The following CD109 variants were observed in gnomAD, a reference collection of about 807,000 sequenced individuals.
The protein encoded by CD109 is CD109 antigen.
Under a neutral mutation model 165.8 loss-of-function variants are expected in CD109, and 149 were observed. That is an observed-to-expected ratio of 0.90 (90% CI 0.79 to 1.03). The LOEUF is 1.03. Ranked by LOEUF, CD109 falls within the 50% of genes least tolerant of loss-of-function variation. The pLI is 0.00. For missense variants in CD109, 1,712 were observed against 1,677.8 expected, an observed-to-expected ratio of 1.02 and a Z score of -0.36; for synonymous variants, 585 against 592.1, an observed-to-expected ratio of 0.99 and a Z score of 0.18.
intron 2 of CD109, among the ~76,000 whole-genome samples, chr6:73,711,139 C>T (rs928085516): frequency 2.0e-5 from 3 of 152,194 alleles, no homozygotes; most frequent in Non-Finnish European, 2.9e-5. Flanking sequence ...ATTTAGCAGC[C>T]AAGAACCTTG....
At chr6:73,741,281 G>T (rs1307773377) in intron 5 of CD109, among the ~76,000 whole-genome samples, 1 of 152,138 alleles carries the variant, frequency 6.6e-6, no homozygotes, top group East Asian at 1.9e-4. Flanking sequence ...CTACTTTGGG[G>T]ATTGTACTTC....
At chr6:73,758,452 C>T (rs1195625998) in intron 6 of CD109, among the ~76,000 whole-genome samples, 1 of 152,116 alleles carries the variant, frequency 6.6e-6, no homozygotes. Flanking sequence ...GTGGCATGAT[C>T]TCGGGTCACT....
intron 14 of CD109, among the ~76,000 whole-genome samples, chr6:73,768,524 A>T (rs1011865217): frequency 2.6e-5 from 4 of 152,200 alleles, no homozygotes; most frequent in Admixed American, 2.6e-4. Context: ...AATATTGCTC[A>T]GGAGTGAAAT....
intron 20 of CD109, 110 bp downstream of exon 20, chr6:73,785,587 T>C (rs926781973): frequency 8.6e-6 from 5 of 584,652 alleles, no homozygotes; most frequent in African/African-American, 7.8e-5. Flanking sequence ...AAGCACTTTA[T>C]ACATTTCTGG....
Position 73,823,713 on chromosome 6 carries a change from G to C in CD109, c.*80G>C. The C allele has an allele frequency of 1.5e-6, 2 of 1,327,982 alleles. No individual in the cohort carries two copies. The highest frequency in any genetic ancestry group is 4.6e-5 in the East Asian group (2 of 43,122). The allele number at this position is 1,327,982 out of a possible 1,614,324, so 82.3% of individuals were successfully genotyped here. A position where few individuals can be genotyped will look rare whatever the true frequency, so the allele number is the denominator to read the frequency against. On this transcript the variant is annotated 3_prime_UTR_variant, in exon 33 of 33. Coordinates refer to ENST00000287097, the MANE Select transcript of CD109 (RefSeq NM_133493.5). ...TGTTTTGTTTTCGTAGAAGAATACT[G>C]CTTCTATTTTGAAAAAAGAGTTTTT...
chr6:73,711,087 A>G (rs868006833), intron 2 of CD109, among the ~76,000 whole-genome samples: 22 of 152,206 alleles, frequency 1.4e-4, no homozygotes, highest in South Asian at 2.1e-4. Context: ...CTGGATCTGT[A>G]GGCTGTGGAT....
At chr6:73,777,225 G>A (rs1415863386) in intron 15 of CD109, among the ~76,000 whole-genome samples, 4 of 151,964 alleles carry the variant, frequency 2.6e-5, no homozygotes, top group Non-Finnish European at 5.9e-5. Context: ...CTCCCAAAGT[G>A]CTGGGATTAG....
At chr6:73,696,340 T>C (rs927046645) in intron 1 of CD109, 51 bp downstream of exon 1, 11 of 1,351,698 alleles carry the variant, frequency 8.1e-6, no homozygotes, top group African/African-American at 1.6e-5. Context: ...CCTGGGCCGC[T>C]CTGCGGCTCT....
At chr6:73,696,663 A>G (rs551823586) in intron 1 of CD109, among the ~76,000 whole-genome samples, 1 of 152,312 alleles carries the variant, frequency 6.6e-6, no homozygotes, top group African/African-American at 2.4e-5. Flanking sequence ...AAGATGTCTC[A>G]ACCTTAGCAT....
intron 4 of CD109, among the ~76,000 whole-genome samples, chr6:73,732,595 G>A (rs1227204780): frequency 6.6e-6 from 1 of 152,186 alleles, no homozygotes; most frequent in Middle Eastern, 3.2e-3. Flanking sequence ...TACAATAGAT[G>A]GTTTAATAAA....
rs571928206 is a variant in CD109 at position 73,807,138 on chromosome 6, A to C, written c.3189+66A>C. 1.3e-4 allele frequency: 149 copies of C among 1,154,990 alleles called. No individual in the cohort carries two copies. In the African/African-American group the frequency reaches 2.1e-3, roughly 16 times the overall value. 71.5% of individuals were successfully genotyped at this position (1,154,990 alleles called of 1,614,324 possible). On this transcript the variant is annotated intron_variant, in intron 25 of 32. Coordinates refer to ENST00000287097, the MANE Select transcript of CD109 (RefSeq NM_133493.5). Reference sequence around the variant, plus strand: ...CAAGGAAGGTAGGTCTTAATGGGTCAAATATGTGTGTGGAAACTTAACAAG... The same window carrying C: ...CAAGGAAGGTAGGTCTTAATGGGTCCAATATGTGTGTGGAAACTTAACAAG...
intron 2 of CD109, among the ~76,000 whole-genome samples, chr6:73,710,330 C>T (rs977537178): frequency 1.3e-5 from 2 of 152,196 alleles, no homozygotes; most frequent in East Asian, 1.9e-4. Flanking sequence ...CATGAGTGAA[C>T]TCCCATTCAC....
chr6:73,717,611 CTTTTTTTTTTTTTTTT>C (rs779915655), intron 2 of CD109, among the ~76,000 whole-genome samples: 4 of 74,812 alleles, frequency 5.3e-5, no homozygotes, highest in African/African-American at 1.6e-4. Flanking sequence ...TCTACTGATT[CTTTTTTTTTTTTTTTT>C]TTTTTTTTTT....
At chr6:73,747,767 G>A (rs1157408405) in intron 5 of CD109, among the ~76,000 whole-genome samples, 2 of 152,046 alleles carry the variant, frequency 1.3e-5, no homozygotes, top group African/African-American at 4.8e-5. Context: ...TATCCATTCG[G>A]CTGTGCAGGC....
rs140136918 is a variant in CD109 at position 73,706,539 on chromosome 6, A to T, written c.247+8967A>T. 3.7e-3 allele frequency among the ~76,000 whole-genome samples: 568 copies of T among 152,284 alleles called. 3 individuals carry two copies. Among genetic ancestry groups the T allele is most frequent in the Middle Eastern group, 0.01 (3 of 294 alleles). The stretch of plus-strand genomic sequence containing the variant: ...CAAGATGACCAAGGTGCAATGATAA[A>T]ACTTGTCTAGGAGGATTAAAGTGGA... On this transcript the variant is annotated intron_variant, in intron 2 of 32. Coordinates refer to ENST00000287097, the MANE Select transcript of CD109 (RefSeq NM_133493.5).
At chr6:73,757,715 T>G (rs1318028316) in intron 6 of CD109, among the ~76,000 whole-genome samples, 3 of 152,270 alleles carry the variant, frequency 2.0e-5, no homozygotes, top group South Asian at 4.1e-4. Context: ...ATAACCATTT[T>G]TAAATTTTTA....
At chr6:73,777,654 A>G (rs942751893) in intron 15 of CD109, among the ~76,000 whole-genome samples, 2 of 152,152 alleles carry the variant, frequency 1.3e-5, no homozygotes, top group Non-Finnish European at 2.9e-5. Context: ...TCCCAGCACC[A>G]TTTATTGAAT....
intron 2 of CD109, among the ~76,000 whole-genome samples, chr6:73,707,588 C>G (rs532136724): frequency 1.3e-5 from 2 of 152,158 alleles, no homozygotes; most frequent in African/African-American, 4.8e-5. Flanking sequence ...CACCTCGTAG[C>G]ATTGTTGAGA....
intron 22 of CD109, 106 bp downstream of exon 22, chr6:73,788,718 A>G (rs1398332215): frequency 3.3e-6 from 3 of 897,444 alleles, no homozygotes; most frequent in Non-Finnish European, 4.9e-6. Context: ...ATAAGAAGAG[A>G]TGGCAAAAGT....
Sources: gnomAD v4.1 joint callset for allele counts (sites outside exome capture counted in the v4.1 genomes callset) on GRCh38, gnomAD v4.1.1 for gene constraint, MANE v1.5 for transcripts, NCBI Gene and HGNC (gene_info 2026-07-23, HGNC 2026-07-21) for gene names.